The following HEXB variants were observed in gnomAD, a reference collection of about 807,000 sequenced individuals.
HEXB encodes the protein hexosaminidase subunit beta.
Under a neutral mutation model 71.2 loss-of-function variants are expected in HEXB, and 51 were observed. The ratio of observed to expected loss-of-function variants is 0.72; its 90% confidence interval spans 0.57 to 0.90. The LOEUF is 0.90. HEXB is among the 40% of genes least tolerant of loss of function. The probability of loss-of-function intolerance (pLI) is 0.00; values close to 1 mark genes in which losing one functional copy is unlikely to be tolerated. For synonymous variants in HEXB, 266 were observed against 249.3 expected, an observed-to-expected ratio of 1.07 and a Z score of -0.63; for missense variants, 617 against 677.0, an observed-to-expected ratio of 0.91 and a Z score of 0.98.
intron 1 of HEXB, among the ~76,000 whole-genome samples, chr5:74,658,317 A>G (rs1748256144): frequency 1.3e-5 from 2 of 152,222 alleles, no homozygotes; most frequent in South Asian, 4.1e-4. Context: ...GCACCACCAC[A>G]GATGTCAATA....
intron 6 of HEXB, among the ~76,000 whole-genome samples, chr5:74,707,420 C>A (rs1380155138): frequency 1.3e-5 from 2 of 152,162 alleles, no homozygotes; most frequent in African/African-American, 2.4e-5. Flanking sequence ...TCCTCACCAG[C>A]AATGGAACAA....
At chr5:74,670,585 C>T (rs1299335311) in intron 1 of HEXB, among the ~76,000 whole-genome samples, 1 of 152,190 alleles carries the variant, frequency 6.6e-6, no homozygotes, top group Non-Finnish European at 1.5e-5. Flanking sequence ...GCCAAGCCAG[C>T]CCCCAGAGCT....
At chr5:74,654,455 T>C (rs1332061875) in intron 1 of HEXB, among the ~76,000 whole-genome samples, 1 of 152,166 alleles carries the variant, frequency 6.6e-6, no homozygotes, top group African/African-American at 2.4e-5. Context: ...CCACGAGATA[T>C]ACTAACAGCT....
intron 1 of HEXB, among the ~76,000 whole-genome samples, chr5:74,645,679 A>G (rs1480651338): frequency 2.6e-5 from 4 of 152,024 alleles, no homozygotes; most frequent in Non-Finnish European, 1.5e-5. Flanking sequence ...TCCTTGTATT[A>G]CTCTATAAAG....
intron 9 of HEXB, 126 bp from the exon 10 acceptor site, chr5:74,718,165 A>G (rs1579954020): frequency 1.4e-6 from 1 of 716,844 alleles, no homozygotes; most frequent in East Asian, 2.8e-5. Context: ...TGCTTCTGCT[A>G]TAAAGCTGAA....
chr5:74,642,115 T>C (rs1747907740), intron 1 of HEXB, among the ~76,000 whole-genome samples: 1 of 152,222 alleles, frequency 6.6e-6, no homozygotes, highest in Non-Finnish European at 1.5e-5. Context: ...GACTGTCAGT[T>C]CTTCATTCTA....
intron 1 of HEXB, among the ~76,000 whole-genome samples, chr5:74,658,875 C>G (rs1225985487): frequency 6.6e-6 from 1 of 152,060 alleles, no homozygotes; most frequent in Admixed American, 6.5e-5. Context: ...ATTTAGGGAA[C>G]CCACCCTCTA....
intron 2 of HEXB, chr5:74,689,865 T>C (rs1748958585): frequency 5.0e-6 from 1 of 201,524 alleles, no homozygotes; most frequent in Non-Finnish European, 1.0e-5. Context: ...TTTTATATCA[T>C]GCTTTTTTGC....
intron 11 of HEXB, among the ~76,000 whole-genome samples, chr5:74,719,419 G>C (rs1300535184): frequency 2.0e-5 from 3 of 152,142 alleles, no homozygotes; most frequent in Non-Finnish European, 4.4e-5. Flanking sequence ...AGAATCCTTG[G>C]TGGATGGGAC....
chr5:74,661,519 G>C (rs1455247924), intron 1 of HEXB, among the ~76,000 whole-genome samples: 79 of 8,128 alleles, frequency 9.7e-3, no homozygotes, highest in African/African-American at 0.024. Flanking sequence ...CTCTCTGTGT[G>C]TGTGTGTGTG....
chr5:74,661,511 CTCTGTG>C (rs1223480656), intron 1 of HEXB, among the ~76,000 whole-genome samples: 9,586 of 126,556 alleles, frequency 0.076, 530 homozygotes, highest in Non-Finnish European at 0.11. Context: ...TTTTCTCTCT[CTCTGTG>C]TGTGTGTGTG....
At chr5:74,674,576 T>A (rs1371948885) in intron 1 of HEXB, among the ~76,000 whole-genome samples, 1 of 140,862 alleles carries the variant, frequency 7.1e-6, no homozygotes, top group African/African-American at 2.7e-5. Flanking sequence ...TGCACTCCAG[T>A]CTGGGAGACA....
At chr5:74,672,573 G>C (rs754984630) in intron 1 of HEXB, among the ~76,000 whole-genome samples, 1 of 152,108 alleles carries the variant, frequency 6.6e-6, no homozygotes, top group Admixed American at 6.5e-5. Context: ...TCTCTCTCAC[G>C]AAGACAAACT....
chr5:74,641,622 T>C lies in HEXB; in HGVS notation c.-377+1064T>C, dbSNP rs900386659. On this transcript the variant is annotated intron_variant, in intron 1 of 13. Coordinates refer to the HEXB transcript ENST00000511181. The surrounding 1 kb of genome is among the most constrained non-coding windows in gnomAD (Gnocchi z 4.1). ...ATCGCTCGGTGGTGTTAGTTTGGAG[T>C]TCAGTAAAGAAATGGCCCAGCACAC... Among the ~76,000 whole-genome samples the C allele has an allele frequency of 2.0e-5, 3 of 151,954 alleles. No homozygotes were observed.
In HEXB at chr5:74,710,117, G is replaced by A. The variant is rs148465102; in HGVS notation, c.772-3389G>A. Among the ~76,000 whole-genome samples the A allele has an allele frequency of 4.7e-3, 718 of 152,204 alleles. 4 individuals carry two copies. Among genetic ancestry groups the A allele is most frequent in the Non-Finnish European group, 7.9e-3 (537 of 68,022 alleles). On this transcript the variant is annotated intron_variant, in intron 6 of 13. Transcript: ENST00000261416. ...ATCAAGTGGGCTTCATCCCTGGGAC[G>A]CAAGCCTGGTTCAATATACGTAAAT...
At position 74,652,972 on chromosome 5, in the gene HEXB, G is replaced by C. The variant is rs534160939; in HGVS notation, c.-377+12414G>C. 2.6e-5 allele frequency among the ~76,000 whole-genome samples: 4 copies of C among 152,268 alleles called. No individual in the cohort carries two copies. The South Asian group carries it at 8.3e-4, about 32-fold the overall frequency. On this transcript the variant is annotated intron_variant, in intron 1 of 13. Transcript: ENST00000511181. The surrounding 1 kb of genome is among the most constrained non-coding windows in gnomAD (Gnocchi z 5.4). ...ACTGAAATGGAATTTATAGATAATA[G>C]ACTCTATTGAATATAACTTCAAAAA...
rs755987230 is a variant in HEXB at position 74,652,938 on chromosome 5, C to T, written c.-377+12380C>T. On this transcript the variant is annotated intron_variant, in intron 1 of 13. Transcript: ENST00000511181. This position sits in a 1 kb window ranked among gnomAD's most constrained non-coding sequence, Gnocchi z 5.4. ...ATATACCAGTCATTTTTAATGCCCTCTTTGCTTTACTGAAATGGAATTTAT... is the reference window on the plus strand; with the variant it reads ...ATATACCAGTCATTTTTAATGCCCTTTTTGCTTTACTGAAATGGAATTTAT... Among the ~76,000 whole-genome samples, 33 of 152,306 alleles carry T rather than the reference C, an allele frequency of 2.2e-4. 1 individual carries two copies. The highest frequency in any genetic ancestry group is 3.5e-4 in the Non-Finnish European group (24 of 68,034).
At chr5:74,663,085 A>C (rs956305780) in intron 1 of HEXB, among the ~76,000 whole-genome samples, 2 of 152,240 alleles carry the variant, frequency 1.3e-5, no homozygotes, top group Non-Finnish European at 2.9e-5. Flanking sequence ...CTGTCAGTTT[A>C]GAACTCAGTA....
At chr5:74,712,380 C>A (rs200442617) in intron 6 of HEXB, among the ~76,000 whole-genome samples, 1 of 148,302 alleles carries the variant, frequency 6.7e-6, no homozygotes, top group Non-Finnish European at 1.5e-5. Context: ...TGTATACATA[C>A]GTAACTAACC....
Sources: allele counts gnomAD v4.1 joint callset (sites outside exome capture counted in the v4.1 genomes callset), GRCh38; gene constraint gnomAD v4.1.1; non-coding constraint Gnocchi (gnomAD v3.1); transcripts MANE v1.5; gene names NCBI Gene and HGNC (gene_info 2026-07-23, HGNC 2026-07-21).